Variants in TNR observed in about 807,000 individuals in gnomAD.
TNR encodes the protein tenascin-R.
A neutral mutation model predicts 150.4 loss-of-function variants in TNR; 45 were observed. That is an observed-to-expected ratio of 0.30 (90% CI 0.24 to 0.38). TNR has a LOEUF of 0.38. Among genes scored for constraint, TNR ranks in the 10% least tolerant of loss-of-function variants. The probability of loss-of-function intolerance (pLI) is 1.00; values close to 1 mark genes in which losing one functional copy is unlikely to be tolerated. For synonymous variants in TNR, 687 were observed against 678.4 expected, an observed-to-expected ratio of 1.01 and a Z score of -0.20; for missense variants, 1,544 against 1,759.1, an observed-to-expected ratio of 0.88 and a Z score of 2.19.
intron 17 of TNR, 67 bp downstream of exon 17, chr1:175,355,436 C>T: frequency 6.3e-7 from 1 of 1,583,688 alleles, no homozygotes; most frequent in Non-Finnish European, 8.6e-7. Context: ...GTGGTCACTC[C>T]ACTAGTCAGT....
intron 1 of TNR, among the ~76,000 whole-genome samples, chr1:175,537,026 T>G (rs1277529193): frequency 4.6e-5 from 7 of 152,160 alleles, no homozygotes; most frequent in Non-Finnish European, 1.0e-4. Flanking sequence ...CCTCTCTGCA[T>G]CTAAAGGAAG....
At chr1:175,367,511 T>C (rs1387520265) in intron 9 of TNR, among the ~76,000 whole-genome samples, 1 of 152,176 alleles carries the variant, frequency 6.6e-6, no homozygotes, top group South Asian at 2.1e-4. Flanking sequence ...GCTTCCTTCT[T>C]GCAGGCAGGC....
At chr1:175,506,168 A>G (rs1168603616) in intron 2 of TNR, among the ~76,000 whole-genome samples, 3 of 152,242 alleles carry the variant, frequency 2.0e-5, no homozygotes, top group Non-Finnish European at 4.4e-5. Flanking sequence ...GGATGATCCT[A>G]TGAAGGAACA....
At chr1:175,395,255 G>C (rs1268258923) in intron 5 of TNR, among the ~76,000 whole-genome samples, 1 of 152,052 alleles carries the variant, frequency 6.6e-6, no homozygotes, top group Admixed American at 6.6e-5. Context: ...TTCAGTCCTG[G>C]AGCTTCCATG....
chr1:175,444,999 G>A (rs891162501), intron 2 of TNR, among the ~76,000 whole-genome samples: 1 of 152,138 alleles, frequency 6.6e-6, no homozygotes, highest in African/African-American at 2.4e-5. Flanking sequence ...AGCCGGGCGC[G>A]GTGGCTCACA....
At chr1:175,562,880 T>C (rs1661486271) in intron 1 of TNR, among the ~76,000 whole-genome samples, 1 of 152,340 alleles carries the variant, frequency 6.6e-6, no homozygotes. Flanking sequence ...ATTGGCTGTG[T>C]CTACTAGGAA....
chr1:175,324,493 G>A lies in TNR; in HGVS notation c.3820C>T (p.Arg1274Cys), dbSNP rs570797805. ...AGDSLSYHQG[R>C]PFSTEDRDND... ...TCTCTATCCTCTGTGGAGAAAGGGC[G>A]TCCTTGATGATAGCTGAGGGAGTCC... Residue 1274 changes from arginine to cysteine, a missense_variant, in exon 22 of 23, where the codon CGC (arginine) becomes TGC (cysteine). Around this residue, in one of 2 missense-constraint regions of TNR, gnomAD observed 290 missense variants for 429.7 expected, o/e 0.67. Transcript: ENST00000367674. The A allele has an allele frequency of 3.5e-5, 56 of 1,613,960 alleles. No homozygotes were observed. Among genetic ancestry groups the A allele is most frequent in the East Asian group, 1.1e-4 (5 of 44,866 alleles).
chr1:175,544,230 G>A (rs1432926093), intron 1 of TNR, among the ~76,000 whole-genome samples: 1 of 152,164 alleles, frequency 6.6e-6, no homozygotes, highest in Non-Finnish European at 1.5e-5. Context: ...TGGTCTCTAG[G>A]GAAGAGTGAC....
At chr1:175,709,993 T>A (rs1242730861) in intron 1 of TNR, among the ~76,000 whole-genome samples, 1 of 152,118 alleles carries the variant, frequency 6.6e-6, no homozygotes, top group Non-Finnish European at 1.5e-5. Context: ...GTTAGGGATT[T>A]GGTAGATTAT....
intron 1 of TNR, among the ~76,000 whole-genome samples, chr1:175,624,322 C>T (rs1189259047): frequency 6.6e-6 from 1 of 152,082 alleles, no homozygotes; most frequent in Non-Finnish European, 1.5e-5. Flanking sequence ...TCCCCCAATT[C>T]ATGTTATTCC....
intron 2 of TNR, among the ~76,000 whole-genome samples, chr1:175,413,268 C>A (rs900921373): frequency 1.3e-5 from 2 of 152,232 alleles, no homozygotes; most frequent in Non-Finnish European, 2.9e-5. Context: ...TCAGGTAATC[C>A]ACCTGCCTCG....
chr1:175,587,471 T>C (rs1421627094), intron 1 of TNR, among the ~76,000 whole-genome samples: 1 of 152,222 alleles, frequency 6.6e-6, no homozygotes, highest in Non-Finnish European at 1.5e-5. Flanking sequence ...TGAAATCATG[T>C]AGTTAAGAAT....
At chr1:175,420,540 G>C (rs1654704934) in intron 2 of TNR, among the ~76,000 whole-genome samples, 1 of 152,208 alleles carries the variant, frequency 6.6e-6, no homozygotes, top group Non-Finnish European at 1.5e-5. Context: ...CAGAGAAGAA[G>C]ATTTATTGCC....
chr1:175,364,050 A>G (rs1449142857), intron 12 of TNR, among the ~76,000 whole-genome samples: 1 of 152,232 alleles, frequency 6.6e-6, no homozygotes, highest in Non-Finnish European at 1.5e-5. Flanking sequence ...TAACAACATG[A>G]AGACAAGCTG....
At chr1:175,647,899 A>T (rs1225712684) in intron 1 of TNR, among the ~76,000 whole-genome samples, 1 of 152,076 alleles carries the variant, frequency 6.6e-6, no homozygotes, top group African/African-American at 2.4e-5. Flanking sequence ...TTCCCACTTC[A>T]ATCCTCACAG....
At chr1:175,450,665 T>C (rs568241287) in intron 2 of TNR, among the ~76,000 whole-genome samples, 1 of 152,250 alleles carries the variant, frequency 6.6e-6, no homozygotes, top group Non-Finnish European at 1.5e-5. Flanking sequence ...AAAGTTTAAG[T>C]GCTCAGCACA....
chr1:175,572,780 C>T (rs1417397867), intron 1 of TNR, among the ~76,000 whole-genome samples: 1 of 151,468 alleles, frequency 6.6e-6, no homozygotes, highest in African/African-American at 2.4e-5. Context: ...GTATTCCCTT[C>T]CAGTATGTTT....
chr1:175,664,667 T>C lies in TNR; in HGVS notation c.-165+78559A>G, dbSNP rs567144544. On this transcript the variant is annotated intron_variant, in intron 1 of 22. Transcript: ENST00000367674. ...TTCCCAAACATACTGTCCGTTCCAA[T>C]GACCACAGGAGAGGTAAAAGATGTC... Among the ~76,000 whole-genome samples, 19 of 152,350 alleles carry C rather than the reference T, an allele frequency of 1.2e-4. No individual in the cohort carries two copies. The South Asian group carries it at 3.9e-3, about 32-fold the overall frequency.
chr1:175,489,995 A>C (rs1210452253), intron 2 of TNR, among the ~76,000 whole-genome samples: 1 of 152,222 alleles, frequency 6.6e-6, no homozygotes, highest in Non-Finnish European at 1.5e-5. Context: ...TACAGTAACC[A>C]AAACAGCATG....
Sources: gnomAD v4.1 joint callset for allele counts (sites outside exome capture counted in the v4.1 genomes callset) on GRCh38, gnomAD v4.1.1 for gene constraint, gnomAD v4.1.1 regional missense constraint, MANE v1.5 for transcripts, NCBI Gene and HGNC (gene_info 2026-07-23, HGNC 2026-07-21) for gene names.